TMEM117: variants seen among roughly 807,000 people sequenced by gnomAD.
The protein encoded by TMEM117 is transmembrane protein 117.
TMEM117 carries 27 observed loss-of-function variants against 52.4 expected under a neutral mutation model. The observed-to-expected ratio is 0.51, with a 90% CI of 0.38 to 0.71. The LOEUF (loss-of-function observed/expected upper bound fraction) is 0.71, where lower values mean the gene tolerates loss of function less well. Ranked by LOEUF, TMEM117 falls within the 30% of genes least tolerant of loss-of-function variation. The pLI is 0.00. For missense variants in TMEM117, 556 were observed against 630.5 expected (o/e 0.88, Z 1.26); for synonymous variants, 215 against 206.3 (o/e 1.04, Z -0.36).
At chr12:44,153,859 T>C (rs1948789291) in intron 4 of TMEM117, among the ~76,000 whole-genome samples, 1 of 152,040 alleles carries the variant, frequency 6.6e-6, no homozygotes, top group African/African-American at 2.4e-5. Flanking sequence ...GTATTTATGC[T>C]TTATTGTTGT....
At chr12:44,247,411 G>A (rs1409820780) in intron 5 of TMEM117, among the ~76,000 whole-genome samples, 3 of 152,096 alleles carry the variant, frequency 2.0e-5, no homozygotes, top group East Asian at 1.9e-4. Context: ...GAGAAACAAG[G>A]ATATATTTTT....
At chr12:43,806,302 G>A in the TMEM117 span, 3 of 1,450,500 alleles carry the variant, frequency 2.1e-6, no homozygotes, top group Middle Eastern at 2.4e-4. Context: ...GCCCCGGCCG[G>A]CGGCCCCAGG....
intron 3 of TMEM117, among the ~76,000 whole-genome samples, chr12:43,985,852 A>T (rs1204179065): frequency 6.6e-6 from 1 of 152,218 alleles, no homozygotes; most frequent in Non-Finnish European, 1.5e-5. Flanking sequence ...TGAAAGAACA[A>T]ACCTTCACTG....
At chr12:43,847,529 G>A (rs1475761538) in intron 2 of TMEM117, among the ~76,000 whole-genome samples, 1 of 152,202 alleles carries the variant, frequency 6.6e-6, no homozygotes, top group African/African-American at 2.4e-5. Flanking sequence ...GAGTTGGGAA[G>A]TGAACTGACT....
chr12:44,374,617 TG>T (rs1951914137), intron 6 of TMEM117, among the ~76,000 whole-genome samples: 1 of 12,246 alleles, frequency 8.2e-5, no homozygotes, highest in African/African-American at 3.7e-4. Flanking sequence ...AGGAACTATT[TG>T]TGTGTGTGTG....
chr12:43,825,375 G>A, the TMEM117 span, among the ~76,000 whole-genome samples: 1 of 152,114 alleles, frequency 6.6e-6, no homozygotes, highest in African/African-American at 2.4e-5. Flanking sequence ...ATGCAGCAGG[G>A]GTTGATCCCT....
the TMEM117 span, chr12:43,804,154 A>ATTT: frequency 2.4e-5 from 8 of 332,576 alleles, no homozygotes; most frequent in South Asian, 4.8e-5. Flanking sequence ...ACAAGTAACT[A>ATTT]TTTTTTTTTT....
intron 3 of TMEM117, among the ~76,000 whole-genome samples, chr12:44,080,067 C>T (rs1947456755): frequency 6.7e-6 from 1 of 148,776 alleles, no homozygotes; most frequent in Non-Finnish European, 1.5e-5. Context: ...TCTACGTATA[C>T]TGAGGTTTGA....
intron 2 of TMEM117, among the ~76,000 whole-genome samples, chr12:43,933,434 C>A (rs1462353585): frequency 1.3e-5 from 2 of 151,988 alleles, no homozygotes; most frequent in African/African-American, 4.8e-5. Flanking sequence ...ATCTCCTGAC[C>A]TCGTGATCTG....
At chr12:44,118,763 T>C (rs541309411) in intron 3 of TMEM117, among the ~76,000 whole-genome samples, 3 of 152,280 alleles carry the variant, frequency 2.0e-5, no homozygotes, top group Non-Finnish European at 4.4e-5. Flanking sequence ...AGGCAGGGTA[T>C]TTTTTCACTT....
chr12:44,090,589 A>C (rs1028014102), intron 3 of TMEM117, among the ~76,000 whole-genome samples: 6 of 151,790 alleles, frequency 4.0e-5, no homozygotes, highest in African/African-American at 1.5e-4. Flanking sequence ...GGCATGTGCC[A>C]CCATACCCAG....
intron 7 of TMEM117, among the ~76,000 whole-genome samples, chr12:44,384,975 A>C (rs74085156): frequency 0.01 from 1,544 of 152,342 alleles, 28 homozygotes; most frequent in African/African-American, 0.035. Context: ...ATTGGATTCT[A>C]TACACGACCA....
At chr12:43,915,923 C>A (rs7969016) in intron 2 of TMEM117, among the ~76,000 whole-genome samples, 1 of 151,944 alleles carries the variant, frequency 6.6e-6, no homozygotes, top group Non-Finnish European at 1.5e-5. Flanking sequence ...CAGCACCCCC[C>A]TCAACCTCAC....
At chr12:44,026,353 C>T (rs909522508) in intron 3 of TMEM117, among the ~76,000 whole-genome samples, 2 of 152,150 alleles carry the variant, frequency 1.3e-5, no homozygotes, top group African/African-American at 4.8e-5. Flanking sequence ...TGATTAAAAA[C>T]CTGGGGACCC....
At chr12:43,885,328 A>C (rs975183610) in intron 2 of TMEM117, among the ~76,000 whole-genome samples, 1 of 152,108 alleles carries the variant, frequency 6.6e-6, no homozygotes, top group Non-Finnish European at 1.5e-5. Context: ...TGAGTGCTTC[A>C]AAGAGAATAG....
At chr12:44,237,897 G>A (rs1488306714) in intron 5 of TMEM117, among the ~76,000 whole-genome samples, 1 of 152,136 alleles carries the variant, frequency 6.6e-6, no homozygotes, top group Non-Finnish European at 1.5e-5. Flanking sequence ...TAATGCATTT[G>A]CATTATGCAT....
chr12:43,865,646 G>A (rs1432608276), intron 2 of TMEM117, among the ~76,000 whole-genome samples: 1 of 150,970 alleles, frequency 6.6e-6, no homozygotes, highest in African/African-American at 2.4e-5. Context: ...GTAGTGAGCT[G>A]ATATCGCACC....
rs201398101 is a variant in TMEM117 at position 43,868,588 on chromosome 12, AC to A, written c.277+23661del. 1.8e-3 allele frequency among the ~76,000 whole-genome samples: 263 copies of A among 148,802 alleles called. 2 individuals are homozygous for A. The South Asian group carries it at 0.023, about 13-fold the overall frequency. ...CCCACCCCACCCTCCAAAAAAAAAA[AC>A]ACACACACTTCAAAATGCCTATGGA... is the stretch of plus-strand genomic sequence containing the variant. On this transcript the variant is annotated intron_variant, in intron 2 of 7. Coordinates refer to ENST00000266534, the MANE Select transcript of TMEM117 (RefSeq NM_032256.3).
At position 43,945,383 on chromosome 12, in the gene TMEM117, C is replaced by T. The variant is rs528556046; in HGVS notation, c.410+1041C>T. On this transcript the variant is annotated intron_variant, in intron 3 of 7. Transcript: ENST00000266534. ...CAGGGCTGGAGTGCAGTGACGCGAT[C>T]TCGGCTCACTCACTGCAACCTCTGC... Among the ~76,000 whole-genome samples, 3 of 152,260 alleles carry T rather than the reference C, an allele frequency of 2.0e-5. No homozygotes were observed. The South Asian group carries it at 6.2e-4, about 32-fold the overall frequency.
Sources: allele counts gnomAD v4.1 joint callset (sites outside exome capture counted in the v4.1 genomes callset), GRCh38; gene constraint gnomAD v4.1.1; transcripts MANE v1.5; gene names NCBI Gene and HGNC (gene_info 2026-07-23, HGNC 2026-07-21).